SNX29: variants seen among roughly 807,000 people sequenced by gnomAD.
SNX29 encodes sorting nexin-29.
A neutral mutation model predicts 102.1 loss-of-function variants in SNX29; 78 were observed. The ratio of observed to expected loss-of-function variants is 0.76; its 90% CI spans 0.64 to 0.92. SNX29 has a LOEUF of 0.92. SNX29 is among the 40% of genes least tolerant of loss of function. The pLI, the probability that SNX29 is intolerant of heterozygous loss-of-function variation, is 0.00. For synonymous variants in SNX29, 580 were observed against 414.5 expected, an observed-to-expected ratio of 1.40 and a Z score of -4.85; for missense variants, 1,280 against 1,061.7, an observed-to-expected ratio of 1.21 and a Z score of -2.86.
At chr16:12,217,699 T>G (rs940427522) in intron 14 of SNX29, among the ~76,000 whole-genome samples, 8 of 152,184 alleles carry the variant, frequency 5.3e-5, no homozygotes, top group Non-Finnish European at 1.2e-4. Flanking sequence ...CATGAATGAT[T>G]GGATTTACCA....
intron 14 of SNX29, among the ~76,000 whole-genome samples, chr16:12,274,477 A>T (rs2079184830): frequency 6.7e-6 from 1 of 150,004 alleles, no homozygotes. Flanking sequence ...TCTGTGTGTT[A>T]TCTTTTTCTC....
chr16:12,235,245 C>T (rs1267676775), intron 14 of SNX29, among the ~76,000 whole-genome samples: 1 of 152,124 alleles, frequency 6.6e-6, no homozygotes, highest in Non-Finnish European at 1.5e-5. Context: ...AGAAGAAATG[C>T]ACAAACTATT....
At chr16:12,398,713 A>AT (rs34851402) in intron 17 of SNX29, among the ~76,000 whole-genome samples, 21,030 of 144,504 alleles carry the variant, frequency 0.15, 1,582 homozygotes, top group Middle Eastern at 0.23. Context: ...ATTTAAAAAC[A>AT]TTTTTTTTTT....
intron 19 of SNX29, among the ~76,000 whole-genome samples, chr16:12,506,976 T>C (rs1370726272): frequency 6.6e-6 from 1 of 152,244 alleles, no homozygotes; most frequent in African/African-American, 2.4e-5. Flanking sequence ...AAAGACCATG[T>C]CTTGTATGCT....
intron 7 of SNX29, 82 bp from the exon 8 acceptor site, chr16:12,051,765 A>G: frequency 6.5e-7 from 1 of 1,546,186 alleles, no homozygotes; most frequent in Non-Finnish European, 8.7e-7. Context: ...TATTTTCCAT[A>G]ACCTGGAGGT....
intron 18 of SNX29, among the ~76,000 whole-genome samples, chr16:12,403,751 A>G (rs1043248855): frequency 2.0e-5 from 3 of 152,290 alleles, no homozygotes; most frequent in East Asian, 3.9e-4. Context: ...TCAGGCTCTT[A>G]GTGTGGCTGC....
At chr16:12,469,674 C>T (rs1203149285) in intron 18 of SNX29, among the ~76,000 whole-genome samples, 2 of 152,156 alleles carry the variant, frequency 1.3e-5, no homozygotes, top group East Asian at 3.8e-4. Context: ...CAATAGAGAG[C>T]GCATTTCTTA....
At chr16:12,219,612 T>G (rs1302121101) in intron 14 of SNX29, among the ~76,000 whole-genome samples, 1 of 152,252 alleles carries the variant, frequency 6.6e-6, no homozygotes, top group East Asian at 1.9e-4. Context: ...TGAAGACCAT[T>G]CTTCCCTTTC....
chr16:12,034,920 A>G (rs2057433132), intron 4 of SNX29, among the ~76,000 whole-genome samples: 1 of 152,074 alleles, frequency 6.6e-6, no homozygotes, highest in Non-Finnish European at 1.5e-5. Context: ...CTGAGGCAGG[A>G]GAATTCCTTG....
At chr16:12,446,600 G>T (rs1034076737) in intron 18 of SNX29, among the ~76,000 whole-genome samples, 21 of 152,160 alleles carry the variant, frequency 1.4e-4, no homozygotes, top group Middle Eastern at 3.2e-3. Flanking sequence ...CAGTATCGAT[G>T]TTTTAGTTGG....
intron 14 of SNX29, among the ~76,000 whole-genome samples, chr16:12,221,267 T>A (rs2142113156): frequency 6.6e-6 from 1 of 152,250 alleles, no homozygotes; most frequent in East Asian, 1.9e-4. Flanking sequence ...CGGGGGTCAC[T>A]ATCTAGATCA....
chr16:11,999,167 A>C lies in SNX29; in HGVS notation c.8-130A>C, dbSNP rs3743592. The C allele has an allele frequency of 7.3e-3, 5,583 of 763,218 alleles. 338 individuals are homozygous for C. The East Asian group carries it at 0.13, about 17-fold the overall frequency. The allele number at this position is 763,218 out of a possible 1,614,324, so 47.3% of individuals were successfully genotyped here. A position where few individuals can be genotyped will look rare whatever the true frequency, so the allele number is the denominator to read the frequency against. ...ACAGGCAATAGCCAAACTTCATTGT[A>C]ATGATACAGATTATTGATACCTAGT... On this transcript the variant is annotated intron_variant, in intron 1 of 20. Coordinates refer to ENST00000566228, the MANE Select transcript of SNX29 (RefSeq NM_032167.5).
chr16:12,393,412 G>GCATGCATGCATGCATGCATT (rs1555527354), intron 16 of SNX29, among the ~76,000 whole-genome samples: 1 of 138,376 alleles, frequency 7.2e-6, no homozygotes, highest in African/African-American at 2.6e-5. Flanking sequence ...ATGCATGCAT[G>GCATGCATGCATGCATGCATT]CATTCATTCA....
chr16:12,399,956 C>T (rs7186239), intron 17 of SNX29, among the ~76,000 whole-genome samples: 5,403 of 152,132 alleles, frequency 0.036, 248 homozygotes, highest in African/African-American at 0.1. Context: ...AGGCTGGAAG[C>T]ACTCATTATT....
At chr16:12,385,067 G>A (rs751805573) in intron 16 of SNX29, among the ~76,000 whole-genome samples, 48 of 152,350 alleles carry the variant, frequency 3.2e-4, no homozygotes, top group Non-Finnish European at 4.0e-4. Context: ...CTACTTGGGA[G>A]GCAGAGGCAG....
intron 14 of SNX29, among the ~76,000 whole-genome samples, chr16:12,236,116 A>G (rs928130638): frequency 6.6e-6 from 1 of 152,114 alleles, no homozygotes; most frequent in African/African-American, 2.4e-5. Context: ...TCCCAATACT[A>G]TGGGCTTTGA....
At chr16:12,206,814 GTTTTTTTT>G (rs71139583) in intron 14 of SNX29, among the ~76,000 whole-genome samples, 1 of 121,636 alleles carries the variant, frequency 8.2e-6, no homozygotes, top group Non-Finnish European at 1.7e-5. Context: ...GAATGAGGTG[GTTTTTTTT>G]TTTTTTTTTT....
At chr16:12,344,346 G>A (rs2081710999) in intron 15 of SNX29, among the ~76,000 whole-genome samples, 1 of 152,150 alleles carries the variant, frequency 6.6e-6, no homozygotes, top group Non-Finnish European at 1.5e-5. Flanking sequence ...CAATCCCACG[G>A]CCTTTAGTGT....
chr16:12,524,895 C>T (rs1290770143), intron 20 of SNX29, 54 bp downstream of exon 20: 140 of 1,593,404 alleles, frequency 8.8e-5, no homozygotes, highest in Middle Eastern at 3.4e-4. Context: ...ATTTTTTTCT[C>T]GGTCGTTTTG....
Sources: allele counts gnomAD v4.1 joint callset (sites outside exome capture counted in the v4.1 genomes callset), GRCh38; gene constraint gnomAD v4.1.1; transcripts MANE v1.5; gene names NCBI Gene and HGNC (gene_info 2026-07-23, HGNC 2026-07-21).